Variants in MEF2A observed in about 807,000 individuals in gnomAD.
The protein encoded by MEF2A is myocyte enhancer factor 2A, also known as myocyte-specific enhancer factor 2A.
Under a neutral mutation model 55.8 loss-of-function variants are expected in MEF2A, and 28 were observed. The ratio of observed to expected loss-of-function variants is 0.50; its 90% CI spans 0.37 to 0.69. MEF2A has a LOEUF of 0.69. Ranked by LOEUF, MEF2A falls within the 30% of genes least tolerant of loss-of-function variation. The pLI is 0.00. For synonymous variants in MEF2A, 239 were observed against 227.1 expected (o/e 1.05, Z -0.47); for missense variants, 528 against 626.2 (o/e 0.84, Z 1.67).
intron 8 of MEF2A, among the ~76,000 whole-genome samples, chr15:99,698,366 C>G (rs12901291): frequency 0.65 from 98,284 of 152,080 alleles, 35,442 homozygotes; most frequent in Middle Eastern, 0.86. Context: ...GATCTGAACA[C>G]ATACTTCAAA....
intron 2 of MEF2A, among the ~76,000 whole-genome samples, chr15:99,630,179 A>AT (rs2042728738): frequency 6.6e-6 from 1 of 151,712 alleles, no homozygotes; most frequent in African/African-American, 2.4e-5. Context: ...GTCTTCAGAT[A>AT]TTTTTTTCTT....
intron 1 of MEF2A, among the ~76,000 whole-genome samples, chr15:99,589,362 T>G (rs139601755): frequency 2.1e-3 from 314 of 152,348 alleles, no homozygotes; most frequent in Middle Eastern, 3.4e-3. Context: ...TTTTAATGTT[T>G]GCAGCATTTG....
intron 9 of MEF2A, among the ~76,000 whole-genome samples, chr15:99,704,437 A>G (rs1028297342): frequency 6.6e-6 from 1 of 152,244 alleles, no homozygotes; most frequent in Non-Finnish European, 1.5e-5. Flanking sequence ...TTACTTAATG[A>G]TACCATAATG....
Position 99,712,447 on chromosome 15 carries a change from C to G in MEF2A, c.1194C>G (p.Ile398Met). ...TATCCATTAATACCAACCAAAACAT[C>G]AGCATCAAGTCCGAACCGATTTCAC... Reference protein sequence around the residue: ...SNLSINTNQNISIKSEPISPP... With the variant: ...SNLSINTNQNMSIKSEPISPP... Residue 398 changes from isoleucine (I) to methionine (M), a missense_variant, in exon 12 of 12, where the codon ATC (isoleucine) becomes ATG (methionine). By Grantham distance (10) the Ile-to-Met change is conservative. This residue lies in a region of MEF2A where 450 missense variants were observed against 475.3 expected (regional missense o/e 0.95). Transcript: ENST00000557942. The surrounding 1 kb of genome is among the most constrained non-coding windows in gnomAD (Gnocchi z 4.1). 6.4e-7 allele frequency: 1 copy of G among 1,550,558 alleles called. No homozygotes were observed.
At chr15:99,668,152 C>T (rs1301928736) in intron 4 of MEF2A, among the ~76,000 whole-genome samples, 1 of 152,036 alleles carries the variant, frequency 6.6e-6, no homozygotes, top group Non-Finnish European at 1.5e-5. Context: ...AACTGACCCT[C>T]CAAAAATAAA....
intron 2 of MEF2A, among the ~76,000 whole-genome samples, chr15:99,625,439 C>G (rs969943284): frequency 6.6e-6 from 1 of 152,050 alleles, no homozygotes; most frequent in Non-Finnish European, 1.5e-5. Flanking sequence ...ATTTATACTC[C>G]TTTTTTTCTA....
intron 1 of MEF2A, among the ~76,000 whole-genome samples, chr15:99,579,133 A>AT (rs1182063152): frequency 6.6e-6 from 1 of 151,750 alleles, no homozygotes; most frequent in African/African-American, 2.4e-5. Context: ...CTAATGTTGT[A>AT]TTTTTTCCCA....
At chr15:99,707,018 T>G (rs1421646337) in intron 10 of MEF2A, among the ~76,000 whole-genome samples, 163 bp downstream of exon 10, 1 of 152,210 alleles carries the variant, frequency 6.6e-6, no homozygotes, top group Non-Finnish European at 1.5e-5. Flanking sequence ...TTGAAAAAAT[T>G]ACAAACAAAA....
chr15:99,617,246 G>C (rs561479055), intron 2 of MEF2A, among the ~76,000 whole-genome samples: 9 of 140,412 alleles, frequency 6.4e-5, no homozygotes, highest in African/African-American at 2.0e-4. Context: ...CATTTTTAAG[G>C]CCATATATGT....
intron 5 of MEF2A, among the ~76,000 whole-genome samples, chr15:99,673,021 G>A (rs1182971824): frequency 6.6e-6 from 1 of 152,136 alleles, no homozygotes; most frequent in Admixed American, 6.5e-5. Context: ...GGGAATCTGG[G>A]TGTGCACAGA....
At chr15:99,700,576 T>A (rs1242982222) in intron 8 of MEF2A, among the ~76,000 whole-genome samples, 1 of 152,144 alleles carries the variant, frequency 6.6e-6, no homozygotes. Context: ...ATTTCCTAGC[T>A]CTGTTTGCTG....
At chr15:99,578,004 T>A (rs1315601562) in intron 1 of MEF2A, among the ~76,000 whole-genome samples, 1 of 152,238 alleles carries the variant, frequency 6.6e-6, no homozygotes, top group Non-Finnish European at 1.5e-5. Flanking sequence ...TTCACTTAAT[T>A]AAGGTAATAT....
chr15:99,592,510 G>T (rs1430148543), intron 1 of MEF2A, among the ~76,000 whole-genome samples: 1 of 152,150 alleles, frequency 6.6e-6, no homozygotes, highest in East Asian at 1.9e-4. Context: ...ATTGCTGTAA[G>T]GGAATAACTT....
intron 1 of MEF2A, among the ~76,000 whole-genome samples, chr15:99,592,746 C>CA (rs1009623013): frequency 1.3e-5 from 2 of 152,016 alleles, no homozygotes; most frequent in Admixed American, 6.6e-5. Flanking sequence ...TGCGTGAACT[C>CA]AGAGTGAGAA....
At chr15:99,600,283 A>G (rs1388150916) in intron 2 of MEF2A, among the ~76,000 whole-genome samples, 1 of 152,156 alleles carries the variant, frequency 6.6e-6, no homozygotes, top group Non-Finnish European at 1.5e-5. Context: ...GGATGTAGAC[A>G]GTGTCTTATC....
chr15:99,626,315 C>T (rs944830491), intron 2 of MEF2A, among the ~76,000 whole-genome samples: 4 of 152,120 alleles, frequency 2.6e-5, no homozygotes, highest in African/African-American at 9.7e-5. Flanking sequence ...GTAATGCCCC[C>T]ACTTTCATTT....
At chr15:99,591,001 G>T (rs1969093683) in intron 1 of MEF2A, among the ~76,000 whole-genome samples, 1 of 152,028 alleles carries the variant, frequency 6.6e-6, no homozygotes, top group African/African-American at 2.4e-5. Context: ...CAGAAAAATT[G>T]AACAGAAAGT....
chr15:99,583,910 A>G (rs1044544408), intron 1 of MEF2A, among the ~76,000 whole-genome samples: 1 of 152,118 alleles, frequency 6.6e-6, no homozygotes, highest in Admixed American at 6.5e-5. Context: ...TACTTTGTGA[A>G]CATCATAGAG....
intron 3 of MEF2A, among the ~76,000 whole-genome samples, chr15:99,639,719 T>C (rs1236920695): frequency 6.6e-6 from 1 of 152,244 alleles, no homozygotes; most frequent in African/African-American, 2.4e-5. Context: ...CCATATACTT[T>C]GCCTTTCCTT....
Sources: gnomAD v4.1 joint callset for allele counts (sites outside exome capture counted in the v4.1 genomes callset) on GRCh38, gnomAD v4.1.1 for gene constraint, gnomAD v4.1.1 regional missense constraint, Gnocchi (gnomAD v3.1) non-coding constraint, MANE v1.5 for transcripts, NCBI Gene and HGNC (gene_info 2026-07-23, HGNC 2026-07-21) for gene names.